The following PDE3A variants were observed in gnomAD, a reference collection of about 807,000 sequenced individuals.
The protein encoded by PDE3A is cGMP-inhibited 3',5'-cyclic phosphodiesterase 3A.
In PDE3A, 43 loss-of-function variants were observed where a neutral mutation model predicts 98.3. That is an observed-to-expected ratio of 0.44 (90% CI 0.34 to 0.56). PDE3A has a LOEUF of 0.56. PDE3A is among the 20% of genes least tolerant of loss of function. PDE3A has a pLI of 0.01. For synonymous variants in PDE3A, 663 were observed against 567.9 expected (o/e 1.17, Z -2.38); for missense variants, 1,427 against 1,440.7 (o/e 0.99, Z 0.15).
intron 1 of PDE3A, among the ~76,000 whole-genome samples, chr12:20,376,393 G>T (rs10743368): frequency 0.26 from 39,308 of 151,664 alleles, 5,254 homozygotes; most frequent in Admixed American, 0.36. Context: ...GGTATCATTT[G>T]TAATTTTTCC....
chr12:20,619,313 G>A (rs1232293464), intron 4 of PDE3A, among the ~76,000 whole-genome samples: 2 of 151,700 alleles, frequency 1.3e-5, no homozygotes, highest in African/African-American at 2.4e-5. Flanking sequence ...ACTTGAAAAT[G>A]AACACATTTT....
chr12:20,386,070 A>AAAATATATAT (rs1555140915), intron 1 of PDE3A, among the ~76,000 whole-genome samples: 9,558 of 36,828 alleles, frequency 0.26, 2,129 homozygotes, highest in East Asian at 0.58. Context: ...AAATATATAT[A>AAAATATATAT]AAATATATAT....
At chr12:20,658,407 T>C (rs1945090113) in intron 15 of PDE3A, among the ~76,000 whole-genome samples, 1 of 152,196 alleles carries the variant, frequency 6.6e-6, no homozygotes, top group African/African-American at 2.4e-5. Flanking sequence ...TACCTAATTT[T>C]CCACAGTTTG....
At position 20,683,034 on chromosome 12, in the gene PDE3A, A is replaced by G. The variant is rs1443597914; in HGVS notation, c.*2763A>G. ...GAAATAAGAGGAATAATAGTGGCCA[A>G]AGCAATTAGAACATCTTCATTCCAG... On this transcript the variant is annotated 3_prime_UTR_variant, in exon 16 of 16. Coordinates refer to ENST00000359062, the MANE Select transcript of PDE3A (RefSeq NM_000921.5). 1.3e-5 allele frequency: 2 copies of G among 152,230 alleles called. No individual in the cohort carries two copies. Among genetic ancestry groups the G allele is most frequent in the African/African-American group, 4.8e-5 (2 of 41,446 alleles). The allele number at this position is 152,230 out of a possible 1,614,324, so 9.4% of individuals were successfully genotyped here.
At chr12:20,384,230 CG>C in intron 1 of PDE3A, among the ~76,000 whole-genome samples, 1 of 149,238 alleles carries the variant, frequency 6.7e-6, no homozygotes, top group Non-Finnish European at 1.5e-5. Context: ...CTACACCTTC[CG>C]GAAGATATAC....
Position 20,395,532 on chromosome 12 carries a change from TATA to T in PDE3A, c.960+25292_960+25294del, listed in dbSNP as rs1405166663. On this transcript the variant is annotated intron_variant, in intron 1 of 15. Coordinates refer to ENST00000359062, the MANE Select transcript of PDE3A (RefSeq NM_000921.5). ...ATATGTATACTATGTGTACACATAG[TATA>T]ATATGTATACTATGTGTACACATAG... 6.8e-5 allele frequency among the ~76,000 whole-genome samples: 10 copies of T among 147,594 alleles called. No homozygotes were observed. The East Asian group carries it at 7.9e-4, about 12-fold the overall frequency.
At chr12:20,550,566 A>G (rs915297037) in intron 1 of PDE3A, among the ~76,000 whole-genome samples, 3 of 152,104 alleles carry the variant, frequency 2.0e-5, no homozygotes, top group Admixed American at 2.0e-4. Flanking sequence ...CAGTAAATCC[A>G]TAAATTAAAA....
chr12:20,462,512 A>AT (rs879796450), intron 1 of PDE3A, among the ~76,000 whole-genome samples: 2 of 151,022 alleles, frequency 1.3e-5, no homozygotes, highest in Admixed American at 6.6e-5. Flanking sequence ...CAAAAATCGA[A>AT]TTTTTTTTTG....
In PDE3A at chr12:20,496,666, C is replaced by A. The variant is rs78801637; in HGVS notation, c.961-59994C>A. Among the ~76,000 whole-genome samples, 1,516 of 152,206 alleles carry A rather than the reference C, an allele frequency of 1.0e-2. 33 individuals are homozygous for A. The highest frequency in any genetic ancestry group is 0.034 in the African/African-American group (1,425 of 41,528). ...GTTGGAATTCATCCAAAATTAAGTG[C>A]CTGACTTCAGGGTTTAAGAAGTATA... On this transcript the variant is annotated intron_variant, in intron 1 of 15. Transcript: ENST00000359062.
chr12:20,416,536 T>A (rs911753601), intron 1 of PDE3A, among the ~76,000 whole-genome samples: 4 of 152,208 alleles, frequency 2.6e-5, no homozygotes, highest in African/African-American at 9.6e-5. Context: ...ATAAATAAAA[T>A]CTTCTAAAGT....
At chr12:20,515,935 T>C (rs112803507) in intron 1 of PDE3A, among the ~76,000 whole-genome samples, 4,939 of 150,484 alleles carry the variant, frequency 0.033, 107 homozygotes, top group South Asian at 0.064. Context: ...GGTTTCACCG[T>C]TTTAGCCGGG....
At chr12:20,547,670 A>G (rs1434822286) in intron 1 of PDE3A, among the ~76,000 whole-genome samples, 1 of 152,014 alleles carries the variant, frequency 6.6e-6, no homozygotes, top group African/African-American at 2.4e-5. Context: ...GGTACACACA[A>G]ATAATAATTT....
chr12:20,389,875 G>A (rs866623612), intron 1 of PDE3A, among the ~76,000 whole-genome samples: 8 of 151,714 alleles, frequency 5.3e-5, no homozygotes, highest in Middle Eastern at 6.8e-3. Flanking sequence ...ACATTCTCAC[G>A]TGTTTATGTT....
chr12:20,506,089 T>G (rs1320026143), intron 1 of PDE3A, among the ~76,000 whole-genome samples: 1 of 128,910 alleles, frequency 7.8e-6, no homozygotes, highest in African/African-American at 3.2e-5. Context: ...CTATGGGAAC[T>G]CTAAAGGAAG....
At chr12:20,449,335 G>A (rs1315522015) in intron 1 of PDE3A, among the ~76,000 whole-genome samples, 2 of 152,098 alleles carry the variant, frequency 1.3e-5, no homozygotes, top group Non-Finnish European at 2.9e-5. Flanking sequence ...ATTTTATGAG[G>A]CAAAATACAG....
At chr12:20,388,998 C>T (rs1004516546) in intron 1 of PDE3A, among the ~76,000 whole-genome samples, 15 of 151,888 alleles carry the variant, frequency 9.9e-5, no homozygotes, top group African/African-American at 3.6e-4. Context: ...TCTATAACTA[C>T]TGAGAAAAAT....
chr12:20,514,279 C>A (rs890421146), intron 1 of PDE3A, among the ~76,000 whole-genome samples: 2 of 152,114 alleles, frequency 1.3e-5, no homozygotes, highest in African/African-American at 4.8e-5. Context: ...ATTGATTACT[C>A]AACTGATTGA....
chr12:20,398,895 C>T (rs1012243904), intron 1 of PDE3A, among the ~76,000 whole-genome samples: 9 of 152,082 alleles, frequency 5.9e-5, no homozygotes, highest in African/African-American at 2.2e-4. Context: ...CATTGTTGGG[C>T]AACTGAAACC....
chr12:20,498,625 G>A (rs1453382287), intron 1 of PDE3A, among the ~76,000 whole-genome samples: 1 of 151,198 alleles, frequency 6.6e-6, no homozygotes, highest in African/African-American at 2.4e-5. Flanking sequence ...GAACCAATCT[G>A]CCATGGATAT....
Sources: gnomAD v4.1 joint callset for allele counts (sites outside exome capture counted in the v4.1 genomes callset) on GRCh38, gnomAD v4.1.1 for gene constraint, MANE v1.5 for transcripts, NCBI Gene and HGNC (gene_info 2026-07-23, HGNC 2026-07-21) for gene names.